CCT2: variants seen among roughly 807,000 people sequenced by gnomAD.
The protein encoded by CCT2 is chaperonin containing TCP1 subunit 2.
Under a neutral mutation model 61.8 loss-of-function variants are expected in CCT2, and 18 were observed. The observed-to-expected ratio is 0.29, with a 90% CI of 0.20 to 0.43. The LOEUF is 0.43. CCT2 is among the 20% of genes least tolerant of loss of function. The pLI is 1.00. For synonymous variants in CCT2, 248 were observed against 215.9 expected (o/e 1.15, Z -1.30); for missense variants, 556 against 656.9 (o/e 0.85, Z 1.68).
intron 10 of CCT2, among the ~76,000 whole-genome samples, chr12:69,595,796 T>G (rs1393820075): frequency 2.0e-5 from 2 of 102,130 alleles, no homozygotes; most frequent in African/African-American, 6.0e-5. Flanking sequence ...CAGAAGAATG[T>G]TTATTAAGTA....
intron 3 of CCT2, chr12:69,587,292 A>G: frequency 2.2e-6 from 1 of 449,662 alleles, no homozygotes; most frequent in East Asian, 3.4e-5. Flanking sequence ...GTGTTGAAAC[A>G]AAAACTAGTG....
intron 7 of CCT2, among the ~76,000 whole-genome samples, chr12:69,591,136 A>C (rs1881823606): frequency 6.6e-6 from 1 of 152,138 alleles, no homozygotes; most frequent in Non-Finnish European, 1.5e-5. Flanking sequence ...TTGTAATAGG[A>C]ACTTTAGTCA....
At chr12:69,587,831 A>C in intron 4 of CCT2, 99 bp from the exon 5 acceptor site, 1 of 1,002,078 alleles carries the variant, frequency 1.0e-6, no homozygotes, top group East Asian at 2.4e-5. Flanking sequence ...AATTTGTTGA[A>C]TGAGGAACCC....
chr12:69,589,457 A>G, intron 6 of CCT2, 28 bp from the exon 7 acceptor site: 1 of 1,549,098 alleles, frequency 6.5e-7, no homozygotes, highest in Non-Finnish European at 8.9e-7. Context: ...AGTAGGGTTA[A>G]TATGTATATT....
At chr12:69,587,449 A>G in intron 3 of CCT2, 56 bp from the exon 4 acceptor site, 1 of 956,636 alleles carries the variant, frequency 1.0e-6, no homozygotes, top group Non-Finnish European at 1.7e-6. Context: ...TGATTGATCC[A>G]TGCATTCTTC....
chr12:69,585,917 C>T (rs1333590860), intron 1 of CCT2: 1 of 1,266,988 alleles, frequency 7.9e-7, no homozygotes, highest in Non-Finnish European at 1.0e-6. Flanking sequence ...AAGATGGAGG[C>T]CGCGTTCCCT....
rs545262108 is a variant in CCT2 at position 69,601,416 on chromosome 12, A to G, written c.*91A>G. 4.3e-6 allele frequency: 7 copies of G among 1,611,570 alleles called. No homozygotes were observed. In the East Asian group the frequency reaches 1.1e-4, roughly 26 times the overall value. ...TTAAAGAAGACTGTGGAATCTGTTT[A>G]TCGGTGCCCATTATATCCTTAAGTT... On this transcript the variant is annotated 3_prime_UTR_variant, in exon 16 of 16. Transcript: ENST00000299300.
rs1252327781 is a variant in CCT2, at chr12:69,586,289, C to A, written c.23C>A (p.Pro8His). Reference protein sequence around the residue: MASLSLAPVNIFKAGADE... With the variant: MASLSLAHVNIFKAGADE... ...TTTCAGGCGTCCCTTTCCCTTGCAC[C>A]TGTTAACATCTTTAAGGCAGGAGCT... is the stretch of plus-strand genomic sequence containing the variant. The change falls in exon 2 of 16, where the codon CCT becomes CAT. Residue 8 changes from proline (P) to histidine (H), a missense_variant. Physicochemically the swap from Pro to His is moderately conservative, Grantham distance 77. Transcript: ENST00000299300. 1 of 1,613,600 alleles carries A rather than the reference C, an allele frequency of 6.2e-7. No homozygotes were observed. The highest frequency in any genetic ancestry group is 8.5e-7 in the Non-Finnish European group (1 of 1,179,512).
intron 1 of CCT2, 39 bp downstream of exon 1, chr12:69,585,563 C>T (rs1288415160): frequency 1.3e-6 from 2 of 1,564,644 alleles, no homozygotes; most frequent in Non-Finnish European, 1.7e-6. Flanking sequence ...TACCCCTGCT[C>T]CGCCGTGCTC....
rs759050577 is a variant in CCT2 at position 69,588,235 on chromosome 12, C to T, written c.419C>T (p.Ala140Val). The change falls in exon 6 of 16, where the codon GCG (alanine) becomes GTG (valine). Residue 140 changes from alanine (A) to valine (V), a missense_variant. This residue lies in a region of CCT2 where 308 missense variants were observed against 350.6 expected (regional missense o/e 0.88). Transcript: ENST00000299300. ...WREATKAARE[A>V]LLSSAVDHGS... is the part of the protein sequence containing the mutation. ...GAAGCCACGAAGGCTGCAAGAGAGG[C>T]GCTGTTGAGTTCTGCAGTTGATCAT... is the stretch of plus-strand genomic sequence containing the variant. 15 of 1,613,582 alleles carry T rather than the reference C, an allele frequency of 9.3e-6. 1 individual carries two copies. In the South Asian group the frequency reaches 1.4e-4, roughly 15 times the overall value.
chr12:69,594,872 G>C (rs1046064720), intron 10 of CCT2, among the ~76,000 whole-genome samples: 1 of 150,646 alleles, frequency 6.6e-6, no homozygotes, highest in East Asian at 1.9e-4. Flanking sequence ...AATGCAGCTT[G>C]TTTGCTTTTT....
At position 69,597,234 on chromosome 12, in the gene CCT2, T is replaced by C. The variant is rs891502569; in HGVS notation, c.1061T>C (p.Ile354Thr). 1.1e-5 allele frequency: 18 copies of C among 1,614,038 alleles called. No individual in the cohort carries two copies. Among genetic ancestry groups the C allele is most frequent in the East Asian group, 4.5e-5 (2 of 44,868 alleles). ...GSCKLIEEVM[I>T]GEDKLIHFSG... is the part of the protein sequence containing the mutation. ...TGCAAACTTATCGAGGAAGTCATGA[T>C]TGGAGAAGACAAACTCATTCACTTT... Residue 354 changes from isoleucine (I) to threonine (T), a missense_variant, in exon 11 of 16, where the codon ATT becomes ACT. Ile to Thr is a moderately conservative substitution (Grantham distance 89). Coordinates refer to ENST00000299300, the MANE Select transcript of CCT2 (RefSeq NM_006431.3).
chr12:69,600,492 C>T (rs1882117754), intron 15 of CCT2, among the ~76,000 whole-genome samples: 1 of 152,160 alleles, frequency 6.6e-6, no homozygotes, highest in Non-Finnish European at 1.5e-5. Context: ...TTAGCAAATT[C>T]TGAGTAATTT....
At chr12:69,594,253 G>T (rs1016618926) in intron 10 of CCT2, among the ~76,000 whole-genome samples, 1 of 151,994 alleles carries the variant, frequency 6.6e-6, no homozygotes, top group African/African-American at 2.4e-5. Flanking sequence ...TATCTAGTTC[G>T]TACATTTGTT....
intron 6 of CCT2, among the ~76,000 whole-genome samples, chr12:69,588,882 C>T (rs1881749932): frequency 6.6e-6 from 1 of 152,172 alleles, no homozygotes; most frequent in Non-Finnish European, 1.5e-5. Flanking sequence ...TATTTATTTG[C>T]CCATTCACAA....
chr12:69,600,603 G>A (rs1352967971), intron 15 of CCT2, among the ~76,000 whole-genome samples: 2 of 151,192 alleles, frequency 1.3e-5, no homozygotes, highest in Non-Finnish European at 2.9e-5. Flanking sequence ...TTTTTTTTCA[G>A]ATCAGTGCCC....
rs988609538 is a variant in CCT2 at position 69,598,233 on chromosome 12, G to A, written c.1336-89G>A. The A allele has an allele frequency of 3.7e-6, 4 of 1,080,492 alleles. No homozygotes were observed. In the African/African-American group the frequency reaches 6.3e-5, roughly 17 times the overall value. The allele number at this position is 1,080,492 out of a possible 1,614,324, so 66.9% of individuals were successfully genotyped here. A position where few individuals can be genotyped will look rare whatever the true frequency, so the allele number is the denominator to read the frequency against. On this transcript the variant is annotated intron_variant, in intron 13 of 15. Coordinates refer to ENST00000299300, the MANE Select transcript of CCT2 (RefSeq NM_006431.3). ...AGCAGATTTTACATTGTTCCTAAAT[G>A]TATAATTTTAAAAAGCTATCCTAGT...
At chr12:69,596,338 G>A (rs532083951) in intron 10 of CCT2, among the ~76,000 whole-genome samples, 12 of 152,234 alleles carry the variant, frequency 7.9e-5, no homozygotes. Flanking sequence ...GTAAGGCATA[G>A]GAAAAGAAGG....
intron 10 of CCT2, among the ~76,000 whole-genome samples, chr12:69,596,800 G>T (rs710767): frequency 0.79 from 119,763 of 152,054 alleles, 48,221 homozygotes; most frequent in African/African-American, 0.94. Flanking sequence ...GTTTAACCTT[G>T]GGAAGGTAGT....
Sources: gnomAD v4.1 joint callset for allele counts (sites outside exome capture counted in the v4.1 genomes callset) on GRCh38, gnomAD v4.1.1 for gene constraint, gnomAD v4.1.1 regional missense constraint, MANE v1.5 for transcripts, NCBI Gene and HGNC (gene_info 2026-07-23, HGNC 2026-07-21) for gene names.